The following SV2B variants were observed in gnomAD, a reference collection of about 807,000 sequenced individuals.
The protein encoded by SV2B is solute carrier family 22 member B2.
A neutral mutation model predicts 73.9 loss-of-function variants in SV2B; 41 were observed. The ratio of observed to expected loss-of-function variants is 0.56; its 90% confidence interval spans 0.43 to 0.72. The LOEUF is 0.72. Among genes scored for constraint, SV2B ranks in the 30% least tolerant of loss-of-function variants. The pLI is 0.00. For missense variants in SV2B, 764 were observed against 857.8 expected, an observed-to-expected ratio of 0.89 and a Z score of 1.37; for synonymous variants, 314 against 314.2, an observed-to-expected ratio of 1.00 and a Z score of 0.01.
intron 2 of SV2B, among the ~76,000 whole-genome samples, chr15:91,233,890 G>A (rs1336033743): frequency 1.3e-5 from 2 of 152,168 alleles, no homozygotes; most frequent in Non-Finnish European, 2.9e-5. Context: ...TGAAGAGGTG[G>A]TTACACTCCA....
At chr15:91,211,489 T>C (rs2045859762) in intron 1 of SV2B, among the ~76,000 whole-genome samples, 1 of 151,784 alleles carries the variant, frequency 6.6e-6, no homozygotes, top group Admixed American at 6.6e-5. Context: ...CTGCTGCTGC[T>C]GCTGCTTCTT....
chr15:91,119,323 G>A (rs1166773617), intron 1 of SV2B, among the ~76,000 whole-genome samples: 4 of 152,148 alleles, frequency 2.6e-5, no homozygotes, highest in Admixed American at 1.3e-4. Context: ...TTTGAGACGC[G>A]AGTACAGAGC....
Position 91,260,426 on chromosome 15 carries a change from C to A in SV2B, c.1008+17C>A. On this transcript the variant is annotated intron_variant, in intron 6 of 12. Transcript: ENST00000394232. ...GTGTTCACGGTGAGTGTGGGGTTGC[C>A]TGCCAATAAGAAGGGGGTTCTCCTC... is the stretch of plus-strand genomic sequence containing the variant. The A allele has an allele frequency of 6.3e-7, 1 of 1,582,198 alleles. No individual in the cohort carries two copies. Among genetic ancestry groups the A allele is most frequent in the Non-Finnish European group, 8.6e-7 (1 of 1,166,904 alleles).
intron 1 of SV2B, among the ~76,000 whole-genome samples, chr15:91,181,345 T>C (rs920140144): frequency 1.3e-5 from 2 of 151,894 alleles, no homozygotes; most frequent in African/African-American, 4.8e-5. Context: ...GGGTCAGGGG[T>C]CAGGGACCCA....
intron 1 of SV2B, among the ~76,000 whole-genome samples, chr15:91,178,276 C>G (rs1228663100): frequency 6.6e-6 from 1 of 151,138 alleles, no homozygotes; most frequent in Non-Finnish European, 1.5e-5. Flanking sequence ...TTTTGATGTG[C>G]TGCTGGATTC....
rs1289573750 is a variant in SV2B, at chr15:91,258,338, T to A, written c.785-83T>A. ...GGTGACTCTCTTGTGCCCTGAAGTTTGTGAGCCAGGGCTTCAGAGTCACTC... is the reference window on the plus strand; with the variant it reads ...GGTGACTCTCTTGTGCCCTGAAGTTAGTGAGCCAGGGCTTCAGAGTCACTC... On this transcript the variant is annotated intron_variant, in intron 4 of 12. Coordinates refer to ENST00000394232, the MANE Select transcript of SV2B (RefSeq NM_001323032.3). The surrounding 1 kb of genome is among the most constrained non-coding windows in gnomAD (Gnocchi z 4.7). 1 of 1,560,954 alleles carries A rather than the reference T, an allele frequency of 6.4e-7. No individual in the cohort carries two copies. Among genetic ancestry groups the A allele is most frequent in the African/African-American group, 1.4e-5 (1 of 73,766 alleles).
chr15:91,211,456 TTCC>T (rs1343297329), intron 1 of SV2B, among the ~76,000 whole-genome samples: 1 of 151,982 alleles, frequency 6.6e-6, no homozygotes, highest in Non-Finnish European at 1.5e-5. Context: ...TTCCATCTTC[TTCC>T]TCCTCTTCCT....
intron 1 of SV2B, among the ~76,000 whole-genome samples, chr15:91,175,988 A>G (rs1479997098): frequency 6.6e-6 from 1 of 151,932 alleles, no homozygotes; most frequent in South Asian, 2.1e-4. Context: ...TGCTGCACCC[A>G]TTAACTTGTC....
At chr15:91,172,257 C>A (rs1352884948) in intron 1 of SV2B, among the ~76,000 whole-genome samples, 2 of 152,204 alleles carry the variant, frequency 1.3e-5, no homozygotes, top group Non-Finnish European at 2.9e-5. Context: ...CCTGTGCTAT[C>A]TCTGCTTATA....
At chr15:91,112,363 C>T (rs1430461023) in intron 1 of SV2B, among the ~76,000 whole-genome samples, 1 of 152,078 alleles carries the variant, frequency 6.6e-6, no homozygotes, top group Non-Finnish European at 1.5e-5. Context: ...GATGTGTGGC[C>T]GGGTGTGAAT....
At chr15:91,131,347 C>A (rs1358258141) in intron 1 of SV2B, among the ~76,000 whole-genome samples, 1 of 150,790 alleles carries the variant, frequency 6.6e-6, no homozygotes. Flanking sequence ...GGGGCATTGA[C>A]AAGCAGGACT....
chr15:91,207,659 G>A (rs1402443878), intron 1 of SV2B, among the ~76,000 whole-genome samples: 2 of 152,128 alleles, frequency 1.3e-5, no homozygotes, highest in East Asian at 1.9e-4. Flanking sequence ...CAAAATAAAA[G>A]CATACCAACT....
Position 91,283,725 on chromosome 15 carries a change from A to C in SV2B, c.1508-296A>C, listed in dbSNP as rs2048758878. Among the ~76,000 whole-genome samples, 1 of 152,174 alleles carries C rather than the reference A, an allele frequency of 6.6e-6. No individual in the cohort carries two copies. Among genetic ancestry groups the C allele is most frequent in the South Asian group, 2.1e-4 (1 of 4,818 alleles). ...TACCTCGGCCTCCTCAAGTGCTGGG[A>C]TTACAGATGTGGGCCACTACACCTG... is the stretch of plus-strand genomic sequence containing the variant. On this transcript the variant is annotated intron_variant, in intron 10 of 12. Coordinates refer to ENST00000394232, the MANE Select transcript of SV2B (RefSeq NM_001323032.3). This position sits in a 1 kb window ranked among gnomAD's most constrained non-coding sequence, Gnocchi z 4.3.
At position 91,258,923 on chromosome 15, in the gene SV2B, CAA is replaced by C. The variant is rs3082222; in HGVS notation, c.918+387_918+388del. Among the ~76,000 whole-genome samples, 17,534 of 88,992 alleles carry C rather than the reference CAA, an allele frequency of 0.2. 1,297 individuals are homozygous for C. Among genetic ancestry groups the C allele is most frequent in the African/African-American group, 0.3 (8,142 of 27,564 alleles). The allele number at this position is 88,992 out of a possible 152,430, so 58.4% of individuals were successfully genotyped here. A position where few individuals can be genotyped will look rare whatever the true frequency, so the allele number is the denominator to read the frequency against. ...GCTACACAGGGAGACCTCATCTCTA[CAA>C]AAAAAAAAAAAAAAAAATTAGTTGA... On this transcript the variant is annotated intron_variant, in intron 5 of 12. Coordinates refer to ENST00000394232, the MANE Select transcript of SV2B (RefSeq NM_001323032.3). This position sits in a 1 kb window ranked among gnomAD's most constrained non-coding sequence, Gnocchi z 4.7.
chr15:91,149,349 C>G (rs1368595026), intron 1 of SV2B, among the ~76,000 whole-genome samples: 1 of 152,178 alleles, frequency 6.6e-6, no homozygotes, highest in Non-Finnish European at 1.5e-5. Context: ...GGATCCACCC[C>G]ACAGGGTATA....
Position 91,193,069 on chromosome 15 carries a change from G to A in SV2B, c.-391-32804G>A, listed in dbSNP as rs574613613. ...TCTGTTAATCCACAGTGGTCCCTTC[G>A]ACTCAGTTCAGCATTTGTCTCTTGG... On this transcript the variant is annotated intron_variant, in intron 1 of 12. Coordinates refer to ENST00000394232, the MANE Select transcript of SV2B (RefSeq NM_001323032.3). Among the ~76,000 whole-genome samples, 9 of 152,212 alleles carry A rather than the reference G, an allele frequency of 5.9e-5. No homozygotes were observed. The South Asian group carries it at 1.2e-3, about 21-fold the overall frequency.
intron 1 of SV2B, among the ~76,000 whole-genome samples, chr15:91,107,698 C>T (rs1006878951): frequency 2.0e-5 from 3 of 152,140 alleles, no homozygotes; most frequent in East Asian, 1.9e-4. Flanking sequence ...CAGCCTTGAC[C>T]TCCCGGGCTC....
At chr15:91,146,373 G>C (rs946905080) in intron 1 of SV2B, among the ~76,000 whole-genome samples, 1 of 152,146 alleles carries the variant, frequency 6.6e-6, no homozygotes, top group Non-Finnish European at 1.5e-5. Context: ...TTTGAAGTTA[G>C]GTAGCATGAT....
chr15:91,170,712 T>C (rs2044093313), intron 1 of SV2B, among the ~76,000 whole-genome samples: 1 of 152,242 alleles, frequency 6.6e-6, no homozygotes, highest in South Asian at 2.1e-4. Context: ...CATTGTAATT[T>C]CAGAAACTAG....
Sources: gnomAD v4.1 joint callset for allele counts (sites outside exome capture counted in the v4.1 genomes callset) on GRCh38, gnomAD v4.1.1 for gene constraint, Gnocchi (gnomAD v3.1) non-coding constraint, MANE v1.5 for transcripts, NCBI Gene and HGNC (gene_info 2026-07-23, HGNC 2026-07-21) for gene names.